The following GLYR1 variants were observed in gnomAD, a reference collection of about 807,000 sequenced individuals.
GLYR1 encodes glyoxylate reductase 1 homolog.
In GLYR1, 21 loss-of-function variants were observed where a neutral mutation model predicts 72.7. The ratio of observed to expected loss-of-function variants is 0.29; its 90% confidence interval spans 0.20 to 0.42. GLYR1 has a LOEUF of 0.42. Ranked by LOEUF, GLYR1 falls within the 10% of genes least tolerant of loss-of-function variation. The pLI is 1.00. For missense variants in GLYR1, 594 were observed against 712.1 expected, an observed-to-expected ratio of 0.83 and a Z score of 1.89; for synonymous variants, 392 against 270.2, an observed-to-expected ratio of 1.45 and a Z score of -4.42.
At chr16:4,807,105 C>G (rs2083033233) in intron 15 of GLYR1, among the ~76,000 whole-genome samples, 1 of 139,660 alleles carries the variant, frequency 7.2e-6, no homozygotes, top group Admixed American at 7.4e-5. Context: ...TGCGCCTGGC[C>G]CCTTTTTTTT....
At chr16:4,816,564 A>G (rs961046886) in intron 10 of GLYR1, among the ~76,000 whole-genome samples, 5 of 152,092 alleles carry the variant, frequency 3.3e-5, no homozygotes, top group Non-Finnish European at 5.9e-5. Context: ...TATTCCTTTG[A>G]ATTTTATTTT....
chr16:4,807,681 T>C (rs1053937373), intron 15 of GLYR1, among the ~76,000 whole-genome samples: 10 of 152,186 alleles, frequency 6.6e-5, no homozygotes, highest in African/African-American at 2.4e-4. Flanking sequence ...CAATGAATCC[T>C]GTAGTCAGGG....
chr16:4,807,123 T>C (rs1245946385), intron 15 of GLYR1, among the ~76,000 whole-genome samples: 8 of 147,572 alleles, frequency 5.4e-5, no homozygotes, highest in African/African-American at 2.0e-4. Flanking sequence ...TTTTTTTTTT[T>C]TTTTTTGAGA....
intron 10 of GLYR1, among the ~76,000 whole-genome samples, chr16:4,816,487 C>T (rs1159676123): frequency 6.6e-6 from 1 of 152,100 alleles, no homozygotes; most frequent in African/African-American, 2.4e-5. Context: ...TCTTAATTAT[C>T]AAACTATGTT....
At position 4,832,027 on chromosome 16, in the gene GLYR1, G is replaced by C; in HGVS notation, c.489C>G (p.Ala163=). The part of the protein sequence containing the change: ...ERGSKSPLKR[A]QEQSPRKRGR... ...CCCGCTTCCGGGGACTTTGCTCTTG[G>C]GCTCTTTTCAGAGGGGATTTGGAGC... The change falls in exon 5 of 16, where the codon GCC becomes GCG. Residue 163 remains alanine (A), a synonymous_variant. Transcript: ENST00000321919. The C allele has an allele frequency of 6.2e-7, 1 of 1,614,082 alleles. No individual in the cohort carries two copies.
At chr16:4,811,316 C>T (rs749753220) in intron 14 of GLYR1, 22 bp from the exon 15 acceptor site, 18 of 1,612,486 alleles carry the variant, frequency 1.1e-5, no homozygotes, top group Middle Eastern at 3.3e-4. Context: ...AAGCCAGTAT[C>T]AGACAAAAGC....
intron 12 of GLYR1, among the ~76,000 whole-genome samples, chr16:4,813,490 CTCA>C (rs1567670627): frequency 6.6e-6 from 1 of 152,246 alleles, no homozygotes; most frequent in East Asian, 1.9e-4. Context: ...TGGGTTGCTT[CTCA>C]TCATAAGGCT....
At chr16:4,824,038 AAC>A in intron 5 of GLYR1, 131 bp from the exon 6 acceptor site, 1 of 633,382 alleles carries the variant, frequency 1.6e-6, no homozygotes, top group South Asian at 2.0e-5. Context: ...CCTCGGGAGA[AAC>A]AAGCCAGTTC....
At chr16:4,806,514 G>A (rs1385882027) in intron 15 of GLYR1, among the ~76,000 whole-genome samples, 2 of 151,664 alleles carry the variant, frequency 1.3e-5, no homozygotes, top group East Asian at 1.9e-4. Flanking sequence ...TAGGGTGCTC[G>A]CCACCACGCC....
chr16:4,806,805 C>CTT lies in GLYR1; in HGVS notation c.1588-1497_1588-1496dup, dbSNP rs546117839. Among the ~76,000 whole-genome samples, 304 of 140,970 alleles carry CTT rather than the reference C, an allele frequency of 2.2e-3. 3 individuals carry two copies. Among genetic ancestry groups the CTT allele is most frequent in the African/African-American group, 7.4e-3 (285 of 38,482 alleles). The allele number at this position is 140,970 out of a possible 152,430, so 92.5% of individuals were successfully genotyped here. ...ATAAATGAAACTGGAATTCTTTTTT[C>CTT]TTTTTTTTTTTTTTGAGATGGAGTC... On this transcript the variant is annotated intron_variant, in intron 15 of 15. Coordinates refer to ENST00000321919, the MANE Select transcript of GLYR1 (RefSeq NM_032569.4).
At chr16:4,809,108 G>A (rs1448917031) in intron 15 of GLYR1, among the ~76,000 whole-genome samples, 1 of 150,150 alleles carries the variant, frequency 6.7e-6, no homozygotes, top group East Asian at 2.0e-4. Context: ...CCATAATTTA[G>A]ACATAAATAA....
At chr16:4,845,181 T>A in intron 2 of GLYR1, 28 bp from the exon 3 acceptor site, 1 of 1,575,506 alleles carries the variant, frequency 6.3e-7, no homozygotes, top group Non-Finnish European at 8.7e-7. Context: ...GGAAAAAGGT[T>A]GGCTGGCAAC....
At chr16:4,841,865 T>TA (rs1219447864) in intron 3 of GLYR1, among the ~76,000 whole-genome samples, 2 of 152,178 alleles carry the variant, frequency 1.3e-5, no homozygotes, top group Non-Finnish European at 2.9e-5. Context: ...TTAATGCCAA[T>TA]TGTTCATGGT....
In GLYR1 at chr16:4,811,167, T is replaced by C; in HGVS notation, c.1587+3A>G. On this transcript the variant is annotated splice_donor_region_variant and intron_variant, in intron 15 of 15. Transcript: ENST00000321919. ...CTTGGGGCTTGGGCCACATCTACCC[T>C]ACCTCATTTGCTGCAGCTGCCATGG... is the stretch of plus-strand genomic sequence containing the variant. 1.2e-6 allele frequency: 2 copies of C among 1,611,430 alleles called. No homozygotes were observed. The highest frequency in any genetic ancestry group is 8.5e-7 in the Non-Finnish European group (1 of 1,178,928).
chr16:4,833,902 G>A (rs2084954589), intron 3 of GLYR1, among the ~76,000 whole-genome samples: 1 of 152,182 alleles, frequency 6.6e-6, no homozygotes, highest in South Asian at 2.1e-4. Flanking sequence ...CAAGGTATCA[G>A]TTAGTTTACA....
chr16:4,807,103 G>T (rs2083032481), intron 15 of GLYR1, among the ~76,000 whole-genome samples: 1 of 139,616 alleles, frequency 7.2e-6, no homozygotes, highest in Non-Finnish European at 1.5e-5. Context: ...ACTGCGCCTG[G>T]CCCCTTTTTT....
Position 4,809,813 on chromosome 16 carries a change from A to G in GLYR1, c.1587+1357T>C, listed in dbSNP as rs1421139931. ...GTGGTGTGTGCCTGTAATCCCAGCT[A>G]CTCAAGAGGCTGAGGCATGAGAATC... On this transcript the variant is annotated intron_variant, in intron 15 of 15. Transcript: ENST00000321919. 2.0e-5 allele frequency among the ~76,000 whole-genome samples: 3 copies of G among 151,676 alleles called. No homozygotes were observed. In the East Asian group the frequency reaches 5.8e-4, roughly 30 times the overall value.
At chr16:4,811,829 C>CA (rs751088649) in intron 13 of GLYR1, 27 bp from the exon 14 acceptor site, 7 of 1,600,054 alleles carry the variant, frequency 4.4e-6, no homozygotes, top group Non-Finnish European at 6.0e-6. Flanking sequence ...CTCACGGTCA[C>CA]AGCCCAAGAA....
At chr16:4,829,373 G>A (rs1471536317) in intron 5 of GLYR1, among the ~76,000 whole-genome samples, 1 of 147,674 alleles carries the variant, frequency 6.8e-6, no homozygotes, top group Non-Finnish European at 1.5e-5. Context: ...TGGTGGAATT[G>A]TAGGTCACTA....
Sources: allele counts gnomAD v4.1 joint callset (sites outside exome capture counted in the v4.1 genomes callset), GRCh38; gene constraint gnomAD v4.1.1; transcripts MANE v1.5; gene names NCBI Gene and HGNC (gene_info 2026-07-23, HGNC 2026-07-21).